The following COPS5 variants were observed in gnomAD, a reference collection of about 807,000 sequenced individuals.
The protein encoded by COPS5 is COP9 signalosome complex subunit 5.
Under a neutral mutation model 44.4 loss-of-function variants are expected in COPS5, and 8 were observed. The observed-to-expected ratio is 0.18, with a 90% CI of 0.11 to 0.32. The LOEUF (loss-of-function observed/expected upper bound fraction) is 0.32. Among genes scored for constraint, COPS5 ranks in the 10% least tolerant of loss-of-function variants. COPS5 has a pLI of 1.00. For missense variants in COPS5, 159 were observed against 406.4 expected, an observed-to-expected ratio of 0.39 and a Z score of 5.23; for synonymous variants, 122 against 142.8, an observed-to-expected ratio of 0.85 and a Z score of 1.04.
chr8:67,054,936 G>C (rs537604016), intron 5 of COPS5, among the ~76,000 whole-genome samples: 1 of 152,204 alleles, frequency 6.6e-6, no homozygotes, highest in African/African-American at 2.4e-5. Flanking sequence ...AAGAAAAAGC[G>C]GGGAAAGAGG....
chr8:67,054,791 GC>G (rs901996496), intron 5 of COPS5, among the ~76,000 whole-genome samples: 14 of 152,134 alleles, frequency 9.2e-5, no homozygotes, highest in Non-Finnish European at 1.9e-4. Flanking sequence ...CATTTAAGCA[GC>G]AATTTTTTTT....
At chr8:67,058,721 T>A (rs947084319) in intron 2 of COPS5, among the ~76,000 whole-genome samples, 2 of 151,986 alleles carry the variant, frequency 1.3e-5, no homozygotes, top group African/African-American at 4.8e-5. Flanking sequence ...ATCCATGCCA[T>A]AGACCGGGTG....
chr8:67,047,723 G>C, intron 6 of COPS5: 1 of 692,828 alleles, frequency 1.4e-6, no homozygotes, highest in Non-Finnish European at 2.6e-6. Context: ...ATGCAGTGCT[G>C]GAATACAGGG....
At position 67,057,389 on chromosome 8, in the gene COPS5, T is replaced by C; in HGVS notation, c.564A>G (p.Thr188=). 2.5e-6 allele frequency: 4 copies of C among 1,605,524 alleles called. No homozygotes were observed. Among genetic ancestry groups the C allele is most frequent in the Non-Finnish European group, 3.4e-6 (4 of 1,175,780 alleles). The change falls in exon 4 of 8, where the codon ACA becomes ACG. Residue 188 remains threonine, a synonymous_variant. Transcript: ENST00000357849. ...AGKVNLGAFR[T]YPKGYKPPDE... ...AAAAAAAAAAAGTTACCTTTGGGTA[T>C]GTCCTAAAGGCGCCAAGATTCACTT... is the stretch of plus-strand genomic sequence containing the variant.
intron 5 of COPS5, among the ~76,000 whole-genome samples, chr8:67,052,698 G>C (rs986844168): frequency 1.3e-5 from 2 of 151,456 alleles, no homozygotes; most frequent in African/African-American, 2.4e-5. Flanking sequence ...GAGCCACAGT[G>C]CTCGGCCAAA....
At chr8:67,061,580 C>T in intron 1 of COPS5, 1 of 473,970 alleles carries the variant, frequency 2.1e-6, no homozygotes, top group Non-Finnish European at 3.9e-6. Flanking sequence ...GGGTGTGTGG[C>T]ATATATGACA....
Position 67,062,021 on chromosome 8 carries a change from G to C in COPS5, c.-25C>G, listed in dbSNP as rs750885675. 2 of 1,613,976 alleles carry C rather than the reference G, an allele frequency of 1.2e-6. No individual in the cohort carries two copies. The highest frequency in any genetic ancestry group is 2.2e-5 in the South Asian group (2 of 91,090). On this transcript the variant is annotated 5_prime_UTR_variant, in exon 1 of 8. Coordinates refer to ENST00000357849, the MANE Select transcript of COPS5 (RefSeq NM_006837.3). ...TCGCCGAGGAAGCGGAGAAGTTGTC[G>C]TCTCTACAACCAAGACGCAACTTTA... is the stretch of plus-strand genomic sequence containing the variant.
chr8:67,061,973 C>T lies in COPS5; in HGVS notation c.24G>A (p.Met8Ile), dbSNP rs1443256217. 1.3e-5 allele frequency: 21 copies of T among 1,614,110 alleles called. No individual in the cohort carries two copies. The highest frequency in any genetic ancestry group is 1.7e-5 in the Non-Finnish European group (20 of 1,180,054). ...TGGCCAGTTCCCAGGTTTTCTGGGC[C>T]ATACCGCTCCCGGACGCCGCCATCG... is the stretch of plus-strand genomic sequence containing the variant. MAASGSG[M>I]AQKTWELANN... The change falls in exon 1 of 8, where the codon ATG (methionine) becomes ATA (isoleucine). Residue 8 changes from methionine (M) to isoleucine (I), a missense_variant. Met to Ile is a conservative substitution (Grantham distance 10). This residue lies in a region of COPS5 where 25 missense variants were observed against 29.7 expected (regional missense o/e 0.84). Transcript: ENST00000357849.
chr8:67,043,120 G>T lies in COPS5; in HGVS notation c.*113C>A. On this transcript the variant is annotated 3_prime_UTR_variant, in exon 8 of 8. Transcript: ENST00000357849. ...TTTATTACAGGATATTAATATTTAG[G>T]ACACTTCAGAGCACCTTATACTTCT... The T allele has an allele frequency of 3.4e-6, 2 of 588,830 alleles. No homozygotes were observed. Among genetic ancestry groups the T allele is most frequent in the Non-Finnish European group, 6.1e-6 (2 of 330,578 alleles). The allele number at this position is 588,830 out of a possible 1,614,324, so 36.5% of individuals were successfully genotyped here.
At chr8:67,058,870 G>A (rs1804547676) in intron 2 of COPS5, among the ~76,000 whole-genome samples, 1 of 151,846 alleles carries the variant, frequency 6.6e-6, no homozygotes, top group Non-Finnish European at 1.5e-5. Flanking sequence ...CAGGCCTACT[G>A]GTGCACGCCT....
chr8:67,044,671 C>A (rs1816678020), intron 7 of COPS5: 1 of 151,708 alleles, frequency 6.6e-6, no homozygotes, highest in Non-Finnish European at 1.5e-5. Flanking sequence ...GCCATCTTGG[C>A]TCACTGCAAT....
At chr8:67,046,549 G>A (rs1442658268) in intron 6 of COPS5, among the ~76,000 whole-genome samples, 3 of 151,874 alleles carry the variant, frequency 2.0e-5, no homozygotes, top group Admixed American at 1.3e-4. Context: ...GGTCGGGCGC[G>A]GTGGCTCATG....
At chr8:67,060,164 C>T (rs1804564252) in intron 1 of COPS5, 1 of 226,666 alleles carries the variant, frequency 4.4e-6, no homozygotes. Flanking sequence ...CCTATGATCA[C>T]TATTTCAGAG....
At chr8:67,051,127 G>A (rs755238884) in intron 6 of COPS5, 103 bp downstream of exon 6, 1 of 792,836 alleles carries the variant, frequency 1.3e-6, no homozygotes, top group South Asian at 1.5e-5. Flanking sequence ...TGGTGTCTTG[G>A]CCAAGTCAGG....
chr8:67,053,904 G>GGT (rs1049488721), intron 5 of COPS5, among the ~76,000 whole-genome samples: 4 of 150,218 alleles, frequency 2.7e-5, no homozygotes, highest in African/African-American at 9.8e-5. Flanking sequence ...TACTCGGGAG[G>GGT]GTGAGGCAGG....
intron 2 of COPS5, among the ~76,000 whole-genome samples, 157 bp downstream of exon 2, chr8:67,059,054 T>C (rs932888341): frequency 1.3e-5 from 2 of 151,684 alleles, no homozygotes; most frequent in Non-Finnish European, 2.9e-5. Context: ...ATGCTATAAG[T>C]CTTATCAGGC....
chr8:67,060,625 T>C, intron 1 of COPS5: 1 of 555,658 alleles, frequency 1.8e-6, no homozygotes, highest in Admixed American at 3.1e-5. Flanking sequence ...TTATCTCACC[T>C]AATCTCTATG....
At chr8:67,050,564 T>A (rs1052037282) in intron 6 of COPS5, among the ~76,000 whole-genome samples, 2 of 150,588 alleles carry the variant, frequency 1.3e-5, no homozygotes, top group Non-Finnish European at 3.0e-5. Context: ...TGTGAGTGTG[T>A]GTGTGTGTGT....
Position 67,043,201 on chromosome 8 carries a change from GTCT to G in COPS5, c.*29_*31del. The G allele has an allele frequency of 8.0e-7, 1 of 1,248,924 alleles. No individual in the cohort carries two copies. Among genetic ancestry groups the G allele is most frequent in the South Asian group, 1.3e-5 (1 of 77,726 alleles). 77.4% of individuals were successfully genotyped at this position (1,248,924 alleles called of 1,614,324 possible). On this transcript the variant is annotated 3_prime_UTR_variant, in exon 8 of 8. Coordinates refer to ENST00000357849, the MANE Select transcript of COPS5 (RefSeq NM_006837.3). ...GTTACTTGAATATTTTTCTCATACT[GTCT>G]TTCAGGTAAAGTACTTCTCAGAGAC...
Sources: allele counts gnomAD v4.1 joint callset (sites outside exome capture counted in the v4.1 genomes callset), GRCh38; gene constraint gnomAD v4.1.1; regional missense constraint gnomAD v4.1.1; transcripts MANE v1.5; gene names NCBI Gene and HGNC (gene_info 2026-07-23, HGNC 2026-07-21).